Variants in PATJ observed in about 807,000 individuals in gnomAD.
PATJ encodes the protein inaD-like protein.
A neutral mutation model predicts 224.9 loss-of-function variants in PATJ; 190 were observed. That is an observed-to-expected ratio of 0.84 (90% CI 0.75 to 0.95). The LOEUF (loss-of-function observed/expected upper bound fraction) is 0.95. Ranked by LOEUF, PATJ falls within the 40% of genes least tolerant of loss-of-function variation. The pLI is 0.00. For missense variants in PATJ, 2,121 were observed against 2,270.3 expected, an observed-to-expected ratio of 0.93 and a Z score of 1.34; for synonymous variants, 769 against 820.3, an observed-to-expected ratio of 0.94 and a Z score of 1.07.
At chr1:61,874,162 C>T (rs1667039934) in intron 20 of PATJ, among the ~76,000 whole-genome samples, 1 of 149,732 alleles carries the variant, frequency 6.7e-6, no homozygotes, top group South Asian at 2.1e-4. Flanking sequence ...AATGAGCTCC[C>T]TTGGGCCTAT....
At chr1:61,978,197 C>T (rs1190169460) in intron 27 of PATJ, among the ~76,000 whole-genome samples, 2 of 119,042 alleles carry the variant, frequency 1.7e-5, no homozygotes, top group Non-Finnish European at 3.3e-5. Context: ...ATCTTCATAT[C>T]TTCCTTCCTT....
At chr1:62,029,411 T>C (rs1648753566) in intron 29 of PATJ, among the ~76,000 whole-genome samples, 1 of 152,194 alleles carries the variant, frequency 6.6e-6, no homozygotes, top group South Asian at 2.1e-4. Context: ...TAATTTTTCT[T>C]TTGGCAACAA....
intron 14 of PATJ, chr1:61,816,539 A>T (rs972948604): frequency 4.6e-5 from 7 of 152,206 alleles, no homozygotes; most frequent in African/African-American, 1.7e-4. Context: ...ATAAATTTAT[A>T]AAAAAATTTT....
chr1:62,046,234 A>AAGGG (rs576245069), intron 30 of PATJ, among the ~76,000 whole-genome samples: 16 of 128,462 alleles, frequency 1.2e-4, no homozygotes, highest in South Asian at 1.2e-3. Context: ...GAAAGGAAGG[A>AAGGG]AGGGAGGGAG....
At position 62,139,781 on chromosome 1, in the gene PATJ, A is replaced by G. The variant is rs553632641; in HGVS notation, c.5272-8503A>G. Among the ~76,000 whole-genome samples, 4 of 149,198 alleles carry G rather than the reference A, an allele frequency of 2.7e-5. No individual in the cohort carries two copies. The South Asian group carries it at 8.6e-4, about 32-fold the overall frequency. On this transcript the variant is annotated intron_variant, in intron 41 of 43. Coordinates refer to ENST00000642238, the MANE Select transcript of PATJ (RefSeq NM_001350145.3). The stretch of plus-strand genomic sequence containing the variant: ...TTTTTTTTTTTTCTTTTTTTTTGAG[A>G]CAGGGTCTCACTCTGTTGCCCAGGC...
intron 29 of PATJ, among the ~76,000 whole-genome samples, chr1:62,024,209 T>C (rs1647319786): frequency 6.6e-6 from 1 of 152,216 alleles, no homozygotes; most frequent in Non-Finnish European, 1.5e-5. Flanking sequence ...GGTGCTGGCT[T>C]CATAGAATGA....
chr1:61,997,157 G>A (rs1645416150), intron 28 of PATJ, among the ~76,000 whole-genome samples: 1 of 152,134 alleles, frequency 6.6e-6, no homozygotes, highest in Non-Finnish European at 1.5e-5. Flanking sequence ...TTACACTTTA[G>A]TATGTGATTT....
intron 30 of PATJ, among the ~76,000 whole-genome samples, chr1:62,044,030 TGATGTTTTG>T (rs1652040521): frequency 6.6e-6 from 1 of 152,144 alleles, no homozygotes; most frequent in Non-Finnish European, 1.5e-5. Flanking sequence ...CTGGCCAACA[TGATGTTTTG>T]AAATATGTGT....
chr1:62,096,440 C>T (rs1570575278), intron 33 of PATJ, among the ~76,000 whole-genome samples: 1 of 152,138 alleles, frequency 6.6e-6, no homozygotes, highest in Non-Finnish European at 1.5e-5. Context: ...TGGCTTAGAG[C>T]TTGTTGGCAT....
chr1:62,068,385 A>G (rs1168714949), intron 31 of PATJ, among the ~76,000 whole-genome samples: 1 of 152,158 alleles, frequency 6.6e-6, no homozygotes, highest in Non-Finnish European at 1.5e-5. Flanking sequence ...TTAGCCTCAG[A>G]GGTGGTTGGA....
chr1:62,101,364 A>G (rs1289831612), intron 33 of PATJ, among the ~76,000 whole-genome samples: 1 of 150,460 alleles, frequency 6.6e-6, no homozygotes, highest in Non-Finnish European at 1.5e-5. Flanking sequence ...CCCAGGTTCA[A>G]GTGATTCTCC....
chr1:62,152,719 A>G (rs1273539967), intron 42 of PATJ, among the ~76,000 whole-genome samples: 2 of 152,180 alleles, frequency 1.3e-5, no homozygotes, highest in South Asian at 2.1e-4. Flanking sequence ...GTTATCTGTT[A>G]TGGACAAGAG....
chr1:61,763,035 A>C lies in PATJ; in HGVS notation c.45A>C (p.Val15=). 6.2e-7 allele frequency: 1 copy of C among 1,610,946 alleles called. No homozygotes were observed. The highest frequency in any genetic ancestry group is 8.5e-7 in the Non-Finnish European group (1 of 1,178,176). Residue 15 remains valine, a synonymous_variant, in exon 3 of 44, where the codon GTA becomes GTC. Coordinates refer to ENST00000642238, the MANE Select transcript of PATJ (RefSeq NM_001350145.3). ...AAGATAAACTGCAGGTGCTGCAGGT[A>C]CTTGATCGCCTGAAAATGAAATTGC... ...PATDKLQVLQ[V]LDRLKMKLQE...
intron 27 of PATJ, among the ~76,000 whole-genome samples, chr1:61,936,814 T>G (rs746658699): frequency 2.6e-5 from 4 of 152,250 alleles, no homozygotes; most frequent in Admixed American, 1.3e-4. Flanking sequence ...TCAAGTGATC[T>G]GCCCACGTCG....
chr1:62,070,163 C>G (rs1657144107), intron 31 of PATJ, among the ~76,000 whole-genome samples: 1 of 152,174 alleles, frequency 6.6e-6, no homozygotes, highest in Admixed American at 6.5e-5. Flanking sequence ...CATTTTCAAA[C>G]AGAGGCACTT....
rs1357253145 is a variant in PATJ at position 61,899,590 on chromosome 1, C to A, written c.3139C>A (p.Pro1047Thr). Residue 1047 changes from proline to threonine, a missense_variant, in exon 23 of 44, where the codon CCT becomes ACT. Physicochemically the swap from Pro to Thr is conservative, Grantham distance 38 (BLOSUM62 -1). Transcript: ENST00000642238. The stretch of plus-strand genomic sequence containing the variant: ...TTCTTTCTCCCTCTGTAGTGAGTTA[C>A]CTGAGAGAGAAGAAGGCGAAGGAGA... Reference protein sequence around the residue: ...SRYATDTCELPEREEGEGEET... With the variant: ...SRYATDTCELTEREEGEGEET... 3 of 1,607,800 alleles carry A rather than the reference C, an allele frequency of 1.9e-6. No individual in the cohort carries two copies. Among genetic ancestry groups the A allele is most frequent in the Non-Finnish European group, 2.5e-6 (3 of 1,177,178 alleles).
chr1:61,812,383 A>AGTGAGT (rs1654986704), intron 14 of PATJ, among the ~76,000 whole-genome samples: 3 of 40,196 alleles, frequency 7.5e-5, no homozygotes, highest in Non-Finnish European at 1.6e-4. Context: ...AGAGAGAGAG[A>AGTGAGT]GAGAGAGAGA....
intron 29 of PATJ, among the ~76,000 whole-genome samples, chr1:62,030,819 G>A (rs1037516421): frequency 2.0e-5 from 3 of 152,054 alleles, no homozygotes; most frequent in Admixed American, 6.6e-5. Flanking sequence ...TAACATTTTT[G>A]AGATTTATCC....
At chr1:61,758,736 A>T (rs572654094) in intron 1 of PATJ, among the ~76,000 whole-genome samples, 6 of 152,080 alleles carry the variant, frequency 3.9e-5, no homozygotes, top group African/African-American at 1.4e-4. Context: ...TTTCCTAAAG[A>T]AAGCCTTTTC....
Sources: allele counts gnomAD v4.1 joint callset (sites outside exome capture counted in the v4.1 genomes callset), GRCh38; gene constraint gnomAD v4.1.1; transcripts MANE v1.5; gene names NCBI Gene and HGNC (gene_info 2026-07-23, HGNC 2026-07-21).